The following HEPHL1 variants were observed in gnomAD, a reference collection of about 807,000 sequenced individuals.
HEPHL1 encodes the protein ferroxidase HEPHL1.
A neutral mutation model predicts 122.0 loss-of-function variants in HEPHL1; 123 were observed. That is an observed-to-expected ratio of 1.01 (90% CI 0.87 to 1.17). The LOEUF (loss-of-function observed/expected upper bound fraction) is 1.17, where lower values mean the gene tolerates loss of function less well. HEPHL1 is among the 50% of genes most tolerant of loss of function. The pLI, the probability that HEPHL1 is intolerant of heterozygous loss-of-function variation, is 0.00. For synonymous variants in HEPHL1, 527 were observed against 508.9 expected, an observed-to-expected ratio of 1.04 and a Z score of -0.48; for missense variants, 1,452 against 1,430.5, an observed-to-expected ratio of 1.01 and a Z score of -0.24.
Position 94,088,985 on chromosome 11 carries a change from C to A in HEPHL1, c.2294+17C>A, listed in dbSNP as rs529237945. ...AGGGGAAAGGTACCACAGGCGCCGC[C>A]GCTAGGGCTCCTCGGTGGGATCGCG... On this transcript the variant is annotated intron_variant, in intron 12 of 19. Transcript: ENST00000315765. The A allele has an allele frequency of 6.2e-7, 1 of 1,609,738 alleles. No homozygotes were observed. Among genetic ancestry groups the A allele is most frequent in the Non-Finnish European group, 8.5e-7 (1 of 1,176,234 alleles).
chr11:94,112,637 T>C lies in HEPHL1; in HGVS notation c.*743T>C, dbSNP rs1281865355. On this transcript the variant is annotated 3_prime_UTR_variant, in exon 20 of 20. Transcript: ENST00000315765. ...TGTTTCTGTGGCAATGTTTGTACTT[T>C]CAAAAATCAAGTAGAGAAATTGTAT... 6.6e-6 allele frequency: 1 copy of C among 152,254 alleles called. No homozygotes were observed. The highest frequency in any genetic ancestry group is 1.5e-5 in the Non-Finnish European group (1 of 68,048). 9.4% of individuals were successfully genotyped at this position (152,254 alleles called of 1,614,324 possible).
At chr11:94,097,059 AGC>A (rs777778120) in intron 13 of HEPHL1, among the ~76,000 whole-genome samples, 16 of 152,228 alleles carry the variant, frequency 1.1e-4, no homozygotes, top group East Asian at 3.9e-4. Context: ...GCCTTCTGCT[AGC>A]TTTTGAATGT....
rs527988837 is a variant in HEPHL1, at chr11:94,072,013, C to T, written c.1233-1012C>T. On this transcript the variant is annotated intron_variant, in intron 6 of 19. Transcript: ENST00000315765. ...GCAGAGGTCCTTTAATCTTTTTGAA[C>T]ATTATTTGATTGGCAATTGGAAGCA... Among the ~76,000 whole-genome samples, 8 of 152,036 alleles carry T rather than the reference C, an allele frequency of 5.3e-5. No individual in the cohort carries two copies. The South Asian group carries it at 1.7e-3, about 32-fold the overall frequency.
intron 9 of HEPHL1, among the ~76,000 whole-genome samples, chr11:94,080,029 T>C (rs919792418): frequency 2.6e-5 from 4 of 152,204 alleles, no homozygotes; most frequent in South Asian, 2.1e-4. Context: ...AGCATCATAC[T>C]ACCCGACTTC....
intron 15 of HEPHL1, among the ~76,000 whole-genome samples, chr11:94,104,283 G>T (rs960533804): frequency 2.0e-5 from 3 of 152,110 alleles, no homozygotes; most frequent in Non-Finnish European, 2.9e-5. Flanking sequence ...AGACCTGCAA[G>T]GGTTTGTATT....
chr11:94,056,347 A>C (rs1293400697), intron 2 of HEPHL1, among the ~76,000 whole-genome samples: 1 of 152,110 alleles, frequency 6.6e-6, no homozygotes, highest in Non-Finnish European at 1.5e-5. Flanking sequence ...TTCACAGTTA[A>C]TGTAATTATT....
intron 1 of HEPHL1, among the ~76,000 whole-genome samples, chr11:94,039,145 G>T (rs1288290604): frequency 6.0e-5 from 6 of 99,902 alleles, no homozygotes; most frequent in African/African-American, 1.6e-4. Flanking sequence ...TAATGGTAAA[G>T]GGATCAATTC....
intron 1 of HEPHL1, among the ~76,000 whole-genome samples, chr11:94,031,218 C>T (rs1056815988): frequency 6.6e-6 from 1 of 152,014 alleles, no homozygotes; most frequent in African/African-American, 2.4e-5. Flanking sequence ...AAGTAAACTT[C>T]TCCTCCGTCC....
intron 14 of HEPHL1, among the ~76,000 whole-genome samples, chr11:94,102,429 T>C (rs374551637): frequency 6.6e-6 from 1 of 152,110 alleles, no homozygotes; most frequent in Non-Finnish European, 1.5e-5. Context: ...CCTGCCCACT[T>C]GAGAAGCTTT....
At chr11:94,043,822 G>A (rs1423744521) in intron 1 of HEPHL1, among the ~76,000 whole-genome samples, 5 of 151,952 alleles carry the variant, frequency 3.3e-5, no homozygotes, top group Non-Finnish European at 7.4e-5. Context: ...AGAACATAAT[G>A]TGTGTTCTCA....
At chr11:94,084,471 G>A (rs1946200024) in intron 10 of HEPHL1, among the ~76,000 whole-genome samples, 3 of 152,104 alleles carry the variant, frequency 2.0e-5, no homozygotes, top group Admixed American at 1.3e-4. Context: ...CTAAGTTCTA[G>A]CTTCAGTCTT....
intron 3 of HEPHL1, 57 bp downstream of exon 3, chr11:94,063,777 C>G (rs1946009246): frequency 7.0e-7 from 1 of 1,419,306 alleles, no homozygotes; most frequent in Admixed American, 1.7e-5. Context: ...AGATTCAGGT[C>G]TTATTTTGCC....
At position 94,070,499 on chromosome 11, in the gene HEPHL1, G is replaced by A. The variant is rs374957956; in HGVS notation, c.1189G>A (p.Gly397Ser). ...EKILWDYAPQ[G>S]YNKFSGLPLN... is the part of the protein sequence containing the mutation. Reference sequence around the variant, plus strand: ...AATTCTTTGGGATTATGCTCCTCAAGGCTATAACAAATTCAGTGGTCTTCC... The same window carrying A: ...AATTCTTTGGGATTATGCTCCTCAAAGCTATAACAAATTCAGTGGTCTTCC... The change falls in exon 6 of 20, where the codon GGC becomes AGC. Residue 397 changes from glycine (G) to serine (S), a missense_variant. Transcript: ENST00000315765. The A allele has an allele frequency of 3.0e-5, 49 of 1,611,276 alleles. No homozygotes were observed. In the African/African-American group the frequency reaches 5.6e-4, roughly 18 times the overall value.
intron 15 of HEPHL1, 83 bp downstream of exon 15, chr11:94,103,103 T>C: frequency 1.3e-6 from 1 of 787,572 alleles, no homozygotes; most frequent in Non-Finnish European, 2.3e-6. Flanking sequence ...TGGGTTGGTA[T>C]ATGTGAAAGC....
At chr11:94,091,204 C>A (rs1432024155) in intron 12 of HEPHL1, among the ~76,000 whole-genome samples, 2 of 152,168 alleles carry the variant, frequency 1.3e-5, no homozygotes, top group Non-Finnish European at 2.9e-5. Flanking sequence ...ACCTACTCCA[C>A]CAGTTTTTGC....
chr11:94,061,949 A>G (rs1016473853), intron 2 of HEPHL1, among the ~76,000 whole-genome samples: 1 of 152,122 alleles, frequency 6.6e-6, no homozygotes, highest in Non-Finnish European at 1.5e-5. Context: ...TAAGCTAATT[A>G]TATTGACCTA....
At chr11:94,065,232 TCTC>T (rs1946023904) in intron 4 of HEPHL1, among the ~76,000 whole-genome samples, 2 of 152,302 alleles carry the variant, frequency 1.3e-5, no homozygotes, top group East Asian at 1.9e-4. Flanking sequence ...TGACATATCT[TCTC>T]CTTCTATTGC....
At chr11:94,072,782 C>G (rs1212405743) in intron 6 of HEPHL1, among the ~76,000 whole-genome samples, 1 of 152,114 alleles carries the variant, frequency 6.6e-6, no homozygotes, top group African/African-American at 2.4e-5. Flanking sequence ...GTGACTGGTT[C>G]AGTGCTGGAC....
chr11:94,048,690 A>G (rs1239757703), intron 2 of HEPHL1, among the ~76,000 whole-genome samples: 1 of 152,146 alleles, frequency 6.6e-6, no homozygotes, highest in Non-Finnish European at 1.5e-5. Flanking sequence ...CCCACTTTTA[A>G]GAGGTTCTCA....
Sources: allele counts gnomAD v4.1 joint callset (sites outside exome capture counted in the v4.1 genomes callset), GRCh38; gene constraint gnomAD v4.1.1; transcripts MANE v1.5; gene names NCBI Gene and HGNC (gene_info 2026-07-23, HGNC 2026-07-21).